ZNF652: variants seen among roughly 807,000 people sequenced by gnomAD.
ZNF652 encodes zinc finger protein 652.
ZNF652 carries 16 observed loss-of-function variants against 45.2 expected under a neutral mutation model. The observed-to-expected ratio is 0.35, with a 90% CI of 0.24 to 0.54. The LOEUF (loss-of-function observed/expected upper bound fraction) is 0.54, where lower values mean the gene tolerates loss of function less well. Among genes scored for constraint, ZNF652 ranks in the 20% least tolerant of loss-of-function variants. ZNF652 has a pLI of 0.91. For synonymous variants in ZNF652, 250 were observed against 260.6 expected, an observed-to-expected ratio of 0.96 and a Z score of 0.39; for missense variants, 614 against 765.6, an observed-to-expected ratio of 0.80 and a Z score of 2.34.
intron 1 of ZNF652, among the ~76,000 whole-genome samples, chr17:49,344,616 G>A (rs1388999136): frequency 2.0e-5 from 3 of 150,798 alleles, no homozygotes; most frequent in Admixed American, 6.6e-5. Flanking sequence ...TGCCTCCCGG[G>A]TTCAAGCAAT....
intron 1 of ZNF652, among the ~76,000 whole-genome samples, chr17:49,343,824 G>A (rs1273561903): frequency 6.6e-6 from 1 of 152,090 alleles, no homozygotes; most frequent in African/African-American, 2.4e-5. Context: ...GCAGGCCAAA[G>A]TGCGAGGATT....
At chr17:49,358,432 A>C (rs1451653302) in intron 1 of ZNF652, among the ~76,000 whole-genome samples, 6 of 152,218 alleles carry the variant, frequency 3.9e-5, no homozygotes, top group African/African-American at 1.4e-4. Flanking sequence ...TTAGAATAAC[A>C]AGTTTTAAAG....
At position 49,316,785 on chromosome 17, in the gene ZNF652, TTCTATCCTGAAAAGTTTTCCC is replaced by T. The variant is rs774654725; in HGVS notation, c.900+20_900+40del. The T allele has an allele frequency of 4.5e-6, 7 of 1,566,322 alleles. No individual in the cohort carries two copies. The highest frequency in any genetic ancestry group is 6.0e-6 in the Non-Finnish European group (7 of 1,159,562). ...TACCAGATGAATCTGAACAGCCAGGTTCTATCCTGAAAAGTTTTCCCTCTCGGTGATGAAACCTACCTGAAT... is the reference window on the plus strand; with the variant it reads ...TACCAGATGAATCTGAACAGCCAGGTTCTCGGTGATGAAACCTACCTGAAT... On this transcript the variant is annotated intron_variant, in intron 2 of 5. Transcript: ENST00000430262.
At position 49,311,984 on chromosome 17, in the gene ZNF652, A is replaced by G; in HGVS notation, c.1107T>C (p.Ser369=). ...GCAAGGAGTGCACCTTGAGTGACAT[A>G]CTGCGTTTGAATGATTTTCCACAGG... is the stretch of plus-strand genomic sequence containing the variant. ...CETCGKSFKR[S]MSLKVHSLQH... Residue 369 remains serine, a synonymous_variant, in exon 4 of 6, where the codon AGT becomes AGC. Coordinates refer to ENST00000430262, the MANE Select transcript of ZNF652 (RefSeq NM_001145365.3). The G allele has an allele frequency of 6.2e-7, 1 of 1,613,946 alleles. No individual in the cohort carries two copies. Among genetic ancestry groups the G allele is most frequent in the Non-Finnish European group, 8.5e-7 (1 of 1,179,906 alleles).
intron 1 of ZNF652, among the ~76,000 whole-genome samples, chr17:49,341,961 A>G (rs764603760): frequency 6.6e-6 from 1 of 152,176 alleles, no homozygotes; most frequent in Non-Finnish European, 1.5e-5. Flanking sequence ...CAAGGCAGGC[A>G]GATCGCCTGA....
chr17:49,320,660 T>C (rs1046097637), intron 1 of ZNF652, among the ~76,000 whole-genome samples: 2 of 152,200 alleles, frequency 1.3e-5, no homozygotes, highest in Non-Finnish European at 2.9e-5. Flanking sequence ...ATGGAAACAA[T>C]GTGAACTACT....
In ZNF652 at chr17:49,297,092, T is replaced by C. The variant is rs1181229145; in HGVS notation, c.*1321A>G. The C allele has an allele frequency of 2.6e-5, 4 of 152,184 alleles. No individual in the cohort carries two copies. The highest frequency in any genetic ancestry group is 1.9e-4 in the East Asian group (1 of 5,198). 9.4% of individuals were successfully genotyped at this position (152,184 alleles called of 1,614,324 possible). ...TAAACTGTGTTAAAATAGCTCAAGG[T>C]TGTGAACATATCCACATTTTACATA... On this transcript the variant is annotated 3_prime_UTR_variant, in exon 6 of 6. Coordinates refer to ENST00000430262, the MANE Select transcript of ZNF652 (RefSeq NM_001145365.3).
intron 1 of ZNF652, among the ~76,000 whole-genome samples, chr17:49,327,762 TA>T (rs2069976660): frequency 5.5e-4 from 3 of 5,452 alleles, no homozygotes; most frequent in Admixed American, 1.4e-3. Context: ...TATATATATA[TA>T]TATATATATA....
chr17:49,345,482 G>A (rs1353670289), intron 1 of ZNF652, among the ~76,000 whole-genome samples: 3 of 150,992 alleles, frequency 2.0e-5, no homozygotes, highest in African/African-American at 7.3e-5. Context: ...GATTACAGGC[G>A]TAAGCCACCG....
Position 49,295,361 on chromosome 17 carries a change from T to A in ZNF652, c.*3052A>T, listed in dbSNP as rs1042826073. 6.1e-5 allele frequency: 9 copies of A among 147,858 alleles called. No homozygotes were observed. Among genetic ancestry groups the A allele is most frequent in the Non-Finnish European group, 1.1e-4 (7 of 66,172 alleles). The allele number at this position is 147,858 out of a possible 1,614,324, so 9.2% of individuals were successfully genotyped here. ...GAAAAAAAGGAAGTTTCTAAATTGT[T>A]CCACAATACACTTCACTAAGAATTG... is the stretch of plus-strand genomic sequence containing the variant. On this transcript the variant is annotated 3_prime_UTR_variant, in exon 6 of 6. Coordinates refer to ENST00000430262, the MANE Select transcript of ZNF652 (RefSeq NM_001145365.3).
chr17:49,348,473 G>C (rs999254385), intron 1 of ZNF652, among the ~76,000 whole-genome samples: 7 of 83,574 alleles, frequency 8.4e-5, no homozygotes, highest in South Asian at 4.3e-4. Flanking sequence ...GCAAGACCTT[G>C]CCTCAAAAAA....
At chr17:49,330,054 C>A (rs2070006733) in intron 1 of ZNF652, among the ~76,000 whole-genome samples, 1 of 152,144 alleles carries the variant, frequency 6.6e-6, no homozygotes, top group South Asian at 2.1e-4. Flanking sequence ...TCACAAATGT[C>A]ATCTACAGAT....
chr17:49,293,669 A>C lies in ZNF652; in HGVS notation c.*4744T>G, dbSNP rs1156250360. On this transcript the variant is annotated 3_prime_UTR_variant, in exon 6 of 6. Transcript: ENST00000430262. ...CCTTTCATTCCTAAAAAAAAAAAAA[A>C]AAAAAAAAAAAAAAAACTCTTAAGT... is the stretch of plus-strand genomic sequence containing the variant. 2.2e-5 allele frequency among the ~76,000 whole-genome samples: 3 copies of C among 138,730 alleles called. No homozygotes were observed. Among genetic ancestry groups the C allele is most frequent in the South Asian group, 2.2e-4 (1 of 4,572 alleles). 91.0% of individuals were successfully genotyped at this position (138,730 alleles called of 152,430 possible). A position where few individuals can be genotyped will look rare whatever the true frequency, so the allele number is the denominator to read the frequency against.
At chr17:49,347,470 T>C (rs1403292676) in intron 1 of ZNF652, among the ~76,000 whole-genome samples, 1 of 151,904 alleles carries the variant, frequency 6.6e-6, no homozygotes, top group Non-Finnish European at 1.5e-5. Flanking sequence ...GAAGCTGAGG[T>C]GGGAGGACCG....
chr17:49,311,463 T>C lies in ZNF652; in HGVS notation c.1165-7A>G, dbSNP rs761532666. 1 of 1,611,264 alleles carries C rather than the reference T, an allele frequency of 6.2e-7. No individual in the cohort carries two copies. The highest frequency in any genetic ancestry group is 8.5e-7 in the Non-Finnish European group (1 of 1,177,848). On this transcript the variant is annotated splice_polypyrimidine_tract_variant and splice_region_variant and intron_variant, in intron 4 of 5. Transcript: ENST00000430262. Reference sequence around the variant, plus strand: ...GAAACCTTTCGTCACAGTTCTGCATTGGATACAGTGGAGATTTTTGAATGC... The same window carrying C: ...GAAACCTTTCGTCACAGTTCTGCATCGGATACAGTGGAGATTTTTGAATGC...
chr17:49,307,218 T>C (rs1161586097), intron 5 of ZNF652, among the ~76,000 whole-genome samples: 1 of 151,450 alleles, frequency 6.6e-6, no homozygotes, highest in Non-Finnish European at 1.5e-5. Flanking sequence ...GTGGATCACC[T>C]GAGGTCAGGA....
chr17:49,347,120 G>A (rs1362264350), intron 1 of ZNF652, among the ~76,000 whole-genome samples: 1 of 152,188 alleles, frequency 6.6e-6, no homozygotes, highest in Non-Finnish European at 1.5e-5. Flanking sequence ...TTTAGAGGAT[G>A]CTAAGACAGC....
chr17:49,354,300 AAG>A (rs1381531186), intron 1 of ZNF652, among the ~76,000 whole-genome samples: 1 of 152,124 alleles, frequency 6.6e-6, no homozygotes. Context: ...AAAAGAGAAA[AAG>A]AGGGGAAAAG....
intron 1 of ZNF652, among the ~76,000 whole-genome samples, chr17:49,347,740 G>GGTTTTTT (rs2070220659): frequency 2.5e-5 from 2 of 81,216 alleles, no homozygotes; most frequent in African/African-American, 9.5e-5. Flanking sequence ...CCTTGGTTTT[G>GGTTTTTT]TTTTTTTTTT....
Sources: allele counts gnomAD v4.1 joint callset (sites outside exome capture counted in the v4.1 genomes callset), GRCh38; gene constraint gnomAD v4.1.1; transcripts MANE v1.5; gene names NCBI Gene and HGNC (gene_info 2026-07-23, HGNC 2026-07-21).